ZDHHC1: variants seen among roughly 807,000 people sequenced by gnomAD.
ZDHHC1 encodes the protein palmitoyltransferase ZDHHC1.
A neutral mutation model predicts 46.9 loss-of-function variants in ZDHHC1; 45 were observed. The ratio of observed to expected loss-of-function variants is 0.96; its 90% CI spans 0.76 to 1.23. ZDHHC1 has a LOEUF of 1.23. Ranked by LOEUF, ZDHHC1 falls within the 50% of genes most tolerant of loss-of-function variation. The pLI is 0.00. For synonymous variants in ZDHHC1, 291 were observed against 286.0 expected (o/e 1.02, Z -0.18); for missense variants, 649 against 670.8 (o/e 0.97, Z 0.36).
At chr16:67,402,887 C>T (rs1354152148) in intron 3 of ZDHHC1, among the ~76,000 whole-genome samples, 1 of 152,316 alleles carries the variant, frequency 6.6e-6, no homozygotes, top group East Asian at 1.9e-4. Flanking sequence ...CTTGGCTTCC[C>T]AAAGTGCAGG....
chr16:67,399,098 CTG>C (rs1362889885), intron 5 of ZDHHC1, among the ~76,000 whole-genome samples, 154 bp from the exon 6 acceptor site: 1 of 152,128 alleles, frequency 6.6e-6, no homozygotes, highest in Non-Finnish European at 1.5e-5. Flanking sequence ...TACGGCAAAA[CTG>C]AAGATGGGTG....
Position 67,395,237 on chromosome 16 carries a change from G to A in ZDHHC1, c.1054C>T (p.Pro352Ser), listed in dbSNP as rs1301109592. 6.3e-7 allele frequency: 1 copy of A among 1,599,088 alleles called. No individual in the cohort carries two copies. Among genetic ancestry groups the A allele is most frequent in the African/African-American group, 1.3e-5 (1 of 74,710 alleles). Reference sequence around the variant, plus strand: ...GCGAGAGTGTCTGGGGAAGAGGGTGGTGGAGGTTCCGCTTGGCCACGGGTG... The same window carrying A: ...GCGAGAGTGTCTGGGGAAGAGGGTGATGGAGGTTCCGCTTGGCCACGGGTG... ...LATRGQAEPP[P>S]PSSPDTLALP... The change falls in exon 10 of 12, where the codon CCA becomes TCA. Residue 352 changes from proline (P) to serine (S), a missense_variant. Coordinates refer to ENST00000565726, the MANE Select transcript of ZDHHC1 (RefSeq NM_001323627.2).
Position 67,398,685 on chromosome 16 carries a change from G to A in ZDHHC1, c.702C>T (p.Ala234=), listed in dbSNP as rs781241770. 2 of 1,608,564 alleles carry A rather than the reference G, an allele frequency of 1.2e-6. No individual in the cohort carries two copies. Among genetic ancestry groups the A allele is most frequent in the Middle Eastern group, 1.6e-4 (1 of 6,070 alleles). The change falls in exon 7 of 12, where the codon GCC becomes GCT. Residue 234 remains alanine (A), a synonymous_variant. Coordinates refer to ENST00000565726, the MANE Select transcript of ZDHHC1 (RefSeq NM_001323627.2). The stretch of plus-strand genomic sequence containing the variant: ...TGGCAGGGGCCTGGGTCTCCACGGG[G>A]GCGGCAGGCAGGAACACGAACCACA... ...TDVWFVFLPA[A]PVETQAPAIL...
intron 1 of ZDHHC1, among the ~76,000 whole-genome samples, chr16:67,414,580 T>C (rs555532898): frequency 6.6e-6 from 1 of 152,378 alleles, no homozygotes; most frequent in South Asian, 2.1e-4. Flanking sequence ...TTCAGTGGAA[T>C]TCACTCATTC....
intron 1 of ZDHHC1, among the ~76,000 whole-genome samples, chr16:67,414,708 AC>A (rs2040804437): frequency 6.6e-6 from 1 of 152,186 alleles, no homozygotes; most frequent in Non-Finnish European, 1.5e-5. Flanking sequence ...CATACAGAAC[AC>A]CCACTCCCAT....
At chr16:67,416,031 C>T (rs998677462) in intron 1 of ZDHHC1, 140 bp downstream of exon 1, 5 of 152,238 alleles carry the variant, frequency 3.3e-5, no homozygotes, top group Non-Finnish European at 7.3e-5. Flanking sequence ...TAAAAGGAAG[C>T]CCCGCGCTCT....
intron 1 of ZDHHC1, among the ~76,000 whole-genome samples, chr16:67,409,304 CT>C (rs1309366487): frequency 4.0e-5 from 6 of 151,206 alleles, no homozygotes; most frequent in Non-Finnish European, 8.8e-5. Flanking sequence ...AGGATACCCC[CT>C]GATACTCCAA....
Position 67,394,821 on chromosome 16 carries a change from CCA to C in ZDHHC1, c.1236_1237del (p.Gly413ProfsTer85). 2.0e-6 allele frequency: 3 copies of C among 1,537,802 alleles called. No individual in the cohort carries two copies. The highest frequency in any genetic ancestry group is 1.2e-5 in the South Asian group (1 of 83,088). ...CGCCGAGTGGTAGGCGCCGGCAGGG[CCA>C]GCGGCGTGCACAGGGCTGGCGTCCG... On this transcript the variant is annotated frameshift_variant, in exon 12 of 12. Coordinates refer to ENST00000565726, the MANE Select transcript of ZDHHC1 (RefSeq NM_001323627.2). LOFTEE classifies it low-confidence loss of function (END_TRUNC).
chr16:67,395,873 CT>C, intron 8 of ZDHHC1: 3 of 384,168 alleles, frequency 7.8e-6, no homozygotes, highest in South Asian at 3.2e-5. Context: ...TGGTGGGAAG[CT>C]CAGAGCTGCC....
chr16:67,411,091 CAAA>C (rs936777144), intron 1 of ZDHHC1, among the ~76,000 whole-genome samples: 1 of 147,852 alleles, frequency 6.8e-6, no homozygotes, highest in Admixed American at 6.7e-5. Context: ...CTGCTCCCAA[CAAA>C]AAAAAAACCA....
At position 67,394,548 on chromosome 16, in the gene ZDHHC1, G is replaced by C. The variant is rs971073615; in HGVS notation, c.*62C>G. 7 of 1,121,164 alleles carry C rather than the reference G, an allele frequency of 6.2e-6. No homozygotes were observed. In the African/African-American group the frequency reaches 1.2e-4, roughly 18 times the overall value. 69.5% of individuals were successfully genotyped at this position (1,121,164 alleles called of 1,614,324 possible). ...AAAGTGCACTCGGTGCGGCAAGGAT[G>C]GGGTGTTGCATAGAGAGTCAGGCCG... On this transcript the variant is annotated 3_prime_UTR_variant, in exon 12 of 12. Transcript: ENST00000565726.
chr16:67,400,631 T>C (rs1289086372), intron 4 of ZDHHC1, among the ~76,000 whole-genome samples: 1 of 152,176 alleles, frequency 6.6e-6, no homozygotes, highest in Non-Finnish European at 1.5e-5. Context: ...ACAGTGAGTG[T>C]CAGGCATCAA....
At chr16:67,407,898 C>T (rs1241748313) in intron 1 of ZDHHC1, 85 bp from the exon 2 acceptor site, 25 of 706,014 alleles carry the variant, frequency 3.5e-5, no homozygotes, top group Non-Finnish European at 6.1e-5. Flanking sequence ...CTCCTGCCTT[C>T]CATCCATCCA....
In ZDHHC1 at chr16:67,406,297, T is replaced by C; in HGVS notation, c.155A>G (p.Gln52Arg). 1 of 1,608,632 alleles carries C rather than the reference T, an allele frequency of 6.2e-7. No individual in the cohort carries two copies. Among genetic ancestry groups the C allele is most frequent in the Non-Finnish European group, 8.5e-7 (1 of 1,177,752 alleles). ...NGWSWPPHPLQIVAWLLYLFF... is the reference protein window; with the variant it reads ...NGWSWPPHPLRIVAWLLYLFF... Reference sequence around the variant, plus strand: ...GAGGTACAGCAGCCAGGCCACAATCTGGAGCGGGTGAGGGGGCCAGCTCCA... The same window carrying C: ...GAGGTACAGCAGCCAGGCCACAATCCGGAGCGGGTGAGGGGGCCAGCTCCA... Residue 52 changes from glutamine to arginine, a missense_variant, in exon 3 of 12, where the codon CAG (glutamine) becomes CGG (arginine). Gln to Arg is a conservative substitution (Grantham distance 43). Coordinates refer to ENST00000565726, the MANE Select transcript of ZDHHC1 (RefSeq NM_001323627.2). The surrounding 1 kb of genome is among the most constrained non-coding windows in gnomAD (Gnocchi z 4.1).
In ZDHHC1 at chr16:67,395,195, G is replaced by T; in HGVS notation, c.1096C>A (p.Arg366=). Reference sequence around the variant, plus strand: ...AGCACAGTCCCTCCTACCTGGGGTCGGATCCGGGGAGGCAGGGCGAGAGTG... The same window carrying T: ...AGCACAGTCCCTCCTACCTGGGGTCTGATCCGGGGAGGCAGGGCGAGAGTG... ...PDTLALPPRI[R]PQKKRKRRVY... is the part of the protein sequence containing the mutation. Residue 366 remains arginine (R), a synonymous_variant, in exon 10 of 12, where the codon CGA becomes AGA. Transcript: ENST00000565726. 1.2e-6 allele frequency: 2 copies of T among 1,612,396 alleles called. No homozygotes were observed. Among genetic ancestry groups the T allele is most frequent in the Non-Finnish European group, 1.7e-6 (2 of 1,179,738 alleles).
At chr16:67,409,175 G>C (rs1253649607) in intron 1 of ZDHHC1, among the ~76,000 whole-genome samples, 2 of 152,004 alleles carry the variant, frequency 1.3e-5, no homozygotes, top group African/African-American at 4.8e-5. Flanking sequence ...CTGCAGCCAG[G>C]CGCCCGCCAC....
At chr16:67,413,714 C>T (rs914853450) in intron 1 of ZDHHC1, among the ~76,000 whole-genome samples, 6 of 152,032 alleles carry the variant, frequency 3.9e-5, no homozygotes, top group Non-Finnish European at 8.8e-5. Flanking sequence ...CCGAGGCGGG[C>T]AGATCACCTG....
At chr16:67,402,241 C>G (rs1245658838) in intron 3 of ZDHHC1, among the ~76,000 whole-genome samples, 1 of 152,208 alleles carries the variant, frequency 6.6e-6, no homozygotes, top group African/African-American at 2.4e-5. Context: ...TGTCTGAGTT[C>G]CCTTGAGTCT....
At chr16:67,413,036 C>T (rs908335839) in intron 1 of ZDHHC1, among the ~76,000 whole-genome samples, 1 of 151,774 alleles carries the variant, frequency 6.6e-6, no homozygotes, top group African/African-American at 2.4e-5. Context: ...CTCCTGACCT[C>T]AGGTGATCCA....
Sources: gnomAD v4.1 joint callset for allele counts (sites outside exome capture counted in the v4.1 genomes callset) on GRCh38, gnomAD v4.1.1 for gene constraint, Gnocchi (gnomAD v3.1) non-coding constraint, MANE v1.5 for transcripts, NCBI Gene and HGNC (gene_info 2026-07-23, HGNC 2026-07-21) for gene names.